LAMA3: variants seen among roughly 807,000 people sequenced by gnomAD.
LAMA3 encodes the protein laminin subunit alpha 3.
LAMA3 carries 281 observed loss-of-function variants against 402.0 expected under a neutral mutation model. The ratio of observed to expected loss-of-function variants is 0.70; its 90% CI spans 0.63 to 0.77. The LOEUF (loss-of-function observed/expected upper bound fraction) is 0.77, where lower values mean the gene tolerates loss of function less well. Among genes scored for constraint, LAMA3 ranks in the 30% least tolerant of loss-of-function variants. The probability of loss-of-function intolerance (pLI) is 0.00; values close to 1 mark genes in which losing one functional copy is unlikely to be tolerated. For missense variants in LAMA3, 3,840 were observed against 4,215.5 expected (o/e 0.91, Z 2.47); for synonymous variants, 1,431 against 1,558.4 (o/e 0.92, Z 1.93).
chr18:23,691,339 CAA>C, intron 1 of LAMA3, among the ~76,000 whole-genome samples: 1 of 151,908 alleles, frequency 6.6e-6, no homozygotes, highest in African/African-American at 2.4e-5. Context: ...GACAAAATAA[CAA>C]TGATGAAAAT....
Position 23,898,726 on chromosome 18 carries a change from T to A in LAMA3, c.5614-12T>A. On this transcript the variant is annotated splice_polypyrimidine_tract_variant and intron_variant, in intron 44 of 74. Coordinates refer to ENST00000313654, the MANE Select transcript of LAMA3 (RefSeq NM_198129.4). ...TACTGTAAAGTGACATTCATTTGTG[T>A]TTTGTTTCCAGAATCAGTTGCTCAA... The A allele has an allele frequency of 7.1e-7, 1 of 1,417,520 alleles. No homozygotes were observed. The highest frequency in any genetic ancestry group is 1.0e-6 in the Non-Finnish European group (1 of 1,000,798). The allele number at this position is 1,417,520 out of a possible 1,614,324, so 87.8% of individuals were successfully genotyped here.
At position 23,847,610 on chromosome 18, in the gene LAMA3, A is replaced by T. The variant is rs779566431; in HGVS notation, c.4078A>T (p.Arg1360Trp). 6.2e-7 allele frequency: 1 copy of T among 1,614,078 alleles called. No individual in the cohort carries two copies. Among genetic ancestry groups the T allele is most frequent in the South Asian group, 1.1e-5 (1 of 91,072 alleles). ...CGGCTGCGAAGGCTGCAACTGTTCC[A>T]GGAGGGGCACCATCGAGGCTGCCAT... ...MAGCEGCNCSRRGTIEAAMPE... is the reference protein window; with the variant it reads ...MAGCEGCNCSWRGTIEAAMPE... The change falls in exon 32 of 75, where the codon AGG becomes TGG. Residue 1360 changes from arginine (R) to tryptophan (W), a missense_variant. By Grantham distance (101) the Arg-to-Trp change is moderately radical. Coordinates refer to ENST00000313654, the MANE Select transcript of LAMA3 (RefSeq NM_198129.4).
intron 8 of LAMA3, among the ~76,000 whole-genome samples, chr18:23,772,806 G>A (rs900767481): frequency 6.6e-6 from 1 of 152,162 alleles, no homozygotes; most frequent in African/African-American, 2.4e-5. Context: ...TTATTCCCAA[G>A]TTAGAGCAAA....
chr18:23,792,099 T>G lies in LAMA3; in HGVS notation c.1603+7942T>G, dbSNP rs530399921. On this transcript the variant is annotated intron_variant, in intron 12 of 74. Coordinates refer to ENST00000313654, the MANE Select transcript of LAMA3 (RefSeq NM_198129.4). The stretch of plus-strand genomic sequence containing the variant: ...AAATGTTAGGAGAGTGGAGGAGAGA[T>G]AATCTGGGAGGGGGTGGATATCTAT... Among the ~76,000 whole-genome samples, 10 of 152,226 alleles carry G rather than the reference T, an allele frequency of 6.6e-5. No individual in the cohort carries two copies. In the South Asian group the frequency reaches 1.0e-3, roughly 16 times the overall value.
At position 23,843,026 on chromosome 18, in the gene LAMA3, G is replaced by T. The variant is rs188514919; in HGVS notation, c.3603+276G>T. Among the ~76,000 whole-genome samples the T allele has an allele frequency of 4.5e-4, 69 of 151,970 alleles. No homozygotes were observed. The South Asian group carries it at 5.8e-3, about 13-fold the overall frequency. ...CTGACCAGTCTCTGGAGCATTTTTC[G>T]CTCCTTTCTTCTTTTGGCCCCTGCA... On this transcript the variant is annotated intron_variant, in intron 29 of 74. Transcript: ENST00000313654.
At chr18:23,885,152 C>T (rs2144956779) in intron 41 of LAMA3, among the ~76,000 whole-genome samples, 1 of 151,474 alleles carries the variant, frequency 6.6e-6, no homozygotes, top group South Asian at 2.1e-4. Flanking sequence ...CCCGACACCT[C>T]CCTACCTACC....
chr18:23,817,379 C>T (rs996573923), intron 18 of LAMA3, among the ~76,000 whole-genome samples: 6 of 152,146 alleles, frequency 3.9e-5, no homozygotes, highest in East Asian at 1.9e-4. Flanking sequence ...TTTTTTATGT[C>T]GTGGAGGTAA....
chr18:23,815,554 C>T lies in LAMA3; in HGVS notation c.2028C>T (p.Ser676=), dbSNP rs778161067. Residue 676 remains serine, a synonymous_variant, in exon 17 of 75, where the codon AGC becomes AGT. Coordinates refer to ENST00000313654, the MANE Select transcript of LAMA3 (RefSeq NM_198129.4). ...ATGGATATTTTGCTTTGGAAAAGAG[C>T]AATTACTTTGGGTGTCAAGGTAAAT... ...CEDGYFALEK[S]NYFGCQGCQC... The T allele has an allele frequency of 5.0e-6, 8 of 1,613,604 alleles. No homozygotes were observed. The South Asian group carries it at 6.6e-5, about 13-fold the overall frequency.
intron 2 of LAMA3, among the ~76,000 whole-genome samples, chr18:23,743,122 G>A (rs2061591023): frequency 6.6e-6 from 1 of 152,216 alleles, no homozygotes; most frequent in Non-Finnish European, 1.5e-5. Context: ...GTACCGCAGT[G>A]CATGACAGGT....
intron 52 of LAMA3, among the ~76,000 whole-genome samples, chr18:23,906,448 A>G (rs1307181427): frequency 6.6e-6 from 1 of 152,136 alleles, no homozygotes; most frequent in South Asian, 2.1e-4. Context: ...TTATTTTTTT[A>G]AATAATTAAA....
At chr18:23,697,469 AGCCTTG>A (rs1310469973) in intron 1 of LAMA3, among the ~76,000 whole-genome samples, 2 of 152,144 alleles carry the variant, frequency 1.3e-5, no homozygotes, top group African/African-American at 4.8e-5. Context: ...CCTTATCAGG[AGCCTTG>A]GCTGAGGCTC....
rs754143530 is a variant in LAMA3, at chr18:23,816,506, T to C, written c.2147+19T>C. The C allele has an allele frequency of 2.1e-5, 34 of 1,592,460 alleles. No homozygotes were observed. The highest frequency in any genetic ancestry group is 2.6e-5 in the Non-Finnish European group (30 of 1,161,188). Reference sequence around the variant, plus strand: ...GCCAGCGGTGAGTCTTCGGGAGGCTTCTTCCCATGTTCAGGGTGTGAAAGA... The same window carrying C: ...GCCAGCGGTGAGTCTTCGGGAGGCTCCTTCCCATGTTCAGGGTGTGAAAGA... On this transcript the variant is annotated intron_variant, in intron 18 of 74. Coordinates refer to ENST00000313654, the MANE Select transcript of LAMA3 (RefSeq NM_198129.4).
chr18:23,843,534 C>T (rs1190776287), intron 29 of LAMA3, among the ~76,000 whole-genome samples: 1 of 152,212 alleles, frequency 6.6e-6, no homozygotes, highest in Non-Finnish European at 1.5e-5. Context: ...ACCATCCTTC[C>T]TCTCACTTGG....
At chr18:23,940,056 A>G (rs2082443338) in intron 68 of LAMA3, among the ~76,000 whole-genome samples, 1 of 152,208 alleles carries the variant, frequency 6.6e-6, no homozygotes, top group South Asian at 2.1e-4. Context: ...GGGTGACTCC[A>G]GACCATGTGC....
In LAMA3 at chr18:23,879,227, G is replaced by T. The variant is rs2064820472; in HGVS notation, c.5113-2709G>T. Reference sequence around the variant, plus strand: ...AAGGAAGCCCACGACCCTTAGCACAGTACTGGGGGCTCTTTCTAGCTGCAT... The same window carrying T: ...AAGGAAGCCCACGACCCTTAGCACATTACTGGGGGCTCTTTCTAGCTGCAT... On this transcript the variant is annotated intron_variant, in intron 39 of 74. Transcript: ENST00000313654. The surrounding 1 kb of genome is among the most constrained non-coding windows in gnomAD (Gnocchi z 4.2). Among the ~76,000 whole-genome samples, 1 of 152,210 alleles carries T rather than the reference G, an allele frequency of 6.6e-6. No homozygotes were observed. The highest frequency in any genetic ancestry group is 2.4e-5 in the African/African-American group (1 of 41,450).
intron 40 of LAMA3, among the ~76,000 whole-genome samples, chr18:23,882,246 T>A (rs1487694280): frequency 6.6e-6 from 1 of 152,202 alleles, no homozygotes; most frequent in Non-Finnish European, 1.5e-5. Flanking sequence ...AGCCACTGAA[T>A]TGTACAGTTT....
chr18:23,843,236 A>G (rs546697666), intron 29 of LAMA3, among the ~76,000 whole-genome samples: 21 of 152,284 alleles, frequency 1.4e-4, no homozygotes, highest in Admixed American at 1.4e-3. Context: ...GGACACCCAC[A>G]TCTGTGAGGT....
intron 1 of LAMA3, among the ~76,000 whole-genome samples, chr18:23,701,046 G>T (rs533026289): frequency 2.4e-4 from 36 of 152,292 alleles, no homozygotes; most frequent in African/African-American, 7.9e-4. Flanking sequence ...ATTTTGGTAA[G>T]AAAGTCAAAA....
Position 23,954,583 on chromosome 18 carries a change from G to A in LAMA3, c.9937G>A (p.Val3313Ile), listed in dbSNP as rs377024118. The change falls in exon 75 of 75, where the codon GTC becomes ATC. Residue 3313 changes from valine to isoleucine, a missense_variant. Physicochemically the swap from Val to Ile is conservative, Grantham distance 29. Coordinates refer to ENST00000313654, the MANE Select transcript of LAMA3 (RefSeq NM_198129.4). ...LRNIHVNHIP[V>I]PVTEALEVQG... ...GAATATTCATGTCAATCACATCCCTGTCCCTGTCACTGAAGCCTTGGAAGT... is the reference window on the plus strand; with the variant it reads ...GAATATTCATGTCAATCACATCCCTATCCCTGTCACTGAAGCCTTGGAAGT... The A allele has an allele frequency of 6.2e-7, 1 of 1,613,816 alleles. No individual in the cohort carries two copies. Among genetic ancestry groups the A allele is most frequent in the South Asian group, 1.1e-5 (1 of 91,074 alleles).
Sources: allele counts gnomAD v4.1 joint callset (sites outside exome capture counted in the v4.1 genomes callset), GRCh38; gene constraint gnomAD v4.1.1; non-coding constraint Gnocchi (gnomAD v3.1); transcripts MANE v1.5; gene names NCBI Gene and HGNC (gene_info 2026-07-23, HGNC 2026-07-21).